Variants in CDH23 observed in about 807,000 individuals in gnomAD.
CDH23 encodes cadherin-23.
Under a neutral mutation model 317.1 loss-of-function variants are expected in CDH23, and 189 were observed. The ratio of observed to expected loss-of-function variants is 0.60; its 90% CI spans 0.53 to 0.67. CDH23 has a LOEUF of 0.67. Among genes scored for constraint, CDH23 ranks in the 30% least tolerant of loss-of-function variants. The pLI is 0.00. For synonymous variants in CDH23, 1,839 were observed against 1,876.8 expected, an observed-to-expected ratio of 0.98 and a Z score of 0.52; for missense variants, 4,401 against 4,592.4, an observed-to-expected ratio of 0.96 and a Z score of 1.20.
intron 1 of CDH23, among the ~76,000 whole-genome samples, chr10:71,420,460 A>T: frequency 1.1e-4 from 1 of 9,268 alleles, no homozygotes; most frequent in African/African-American, 5.0e-4. Context: ...TGGTGATGAT[A>T]ATGATGATGG....
chr10:71,551,818 C>A (rs1435789733), intron 6 of CDH23, among the ~76,000 whole-genome samples: 1 of 152,184 alleles, frequency 6.6e-6, no homozygotes, highest in Non-Finnish European at 1.5e-5. Context: ...GAATTGGACC[C>A]TCTGCCCTGT....
chr10:71,587,230 T>G (rs529538112), intron 9 of CDH23, among the ~76,000 whole-genome samples: 113 of 152,372 alleles, frequency 7.4e-4, no homozygotes, highest in African/African-American at 2.4e-3. Context: ...TTTTTTTTCC[T>G]GCTATTGTTT....
intron 6 of CDH23, among the ~76,000 whole-genome samples, chr10:71,523,277 C>A (rs1263606284): frequency 1.3e-5 from 2 of 152,192 alleles, no homozygotes; most frequent in Non-Finnish European, 2.9e-5. Context: ...GCGGCTAGAA[C>A]TGATTGTTTT....
chr10:71,676,525 G>A (rs919635723), intron 15 of CDH23, among the ~76,000 whole-genome samples: 1 of 152,058 alleles, frequency 6.6e-6, no homozygotes, highest in Non-Finnish European at 1.5e-5. Context: ...TACTTGGGAG[G>A]CTGAGGCAGG....
At chr10:71,574,145 G>A (rs138884148) in intron 8 of CDH23, among the ~76,000 whole-genome samples, 104 of 151,264 alleles carry the variant, frequency 6.9e-4, no homozygotes, top group Admixed American at 2.6e-3. Context: ...CTGCTGCCCC[G>A]GGGCCCCCAC....
intron 9 of CDH23, among the ~76,000 whole-genome samples, chr10:71,585,842 C>T (rs1424845247): frequency 6.6e-6 from 1 of 152,200 alleles, no homozygotes; most frequent in African/African-American, 2.4e-5. Flanking sequence ...TTAATGAGGT[C>T]CTGTATGCTC....
Position 71,469,612 on chromosome 10 carries a change from C to CTT in CDH23, c.145+23218_145+23219dup, listed in dbSNP as rs112863104. Among the ~76,000 whole-genome samples, 263 of 149,136 alleles carry CTT rather than the reference C, an allele frequency of 1.8e-3. 1 individual carries two copies. Among genetic ancestry groups the CTT allele is most frequent in the African/African-American group, 3.0e-3 (119 of 39,582 alleles). On this transcript the variant is annotated intron_variant, in intron 3 of 69. Coordinates refer to ENST00000224721, the MANE Select transcript of CDH23 (RefSeq NM_022124.6). ...CTTTCGTGAACATTTGTGTCCCCCC[C>CTT]TTGTTTTTTTTGAGACAGGGTCTTG... is the stretch of plus-strand genomic sequence containing the variant.
intron 69 of CDH23, 69 bp downstream of exon 69, chr10:71,813,417 TC>T: frequency 1.5e-6 from 2 of 1,300,942 alleles, no homozygotes; most frequent in Admixed American, 3.9e-5. Context: ...TCTCTTGCTG[TC>T]CTGCTGTCCT....
At chr10:71,700,295 G>T (rs1283896290) in intron 22 of CDH23, among the ~76,000 whole-genome samples, 1 of 152,186 alleles carries the variant, frequency 6.6e-6, no homozygotes, top group African/African-American at 2.4e-5. Context: ...GCTGAGGTGG[G>T]AGGATCACTT....
chr10:71,758,220 G>A (rs1840197865), intron 38 of CDH23, among the ~76,000 whole-genome samples: 1 of 152,194 alleles, frequency 6.6e-6, no homozygotes, highest in African/African-American at 2.4e-5. Flanking sequence ...AAGGGTAGCT[G>A]AGTAAAAAGT....
At chr10:71,488,196 T>C (rs979704041) in intron 3 of CDH23, among the ~76,000 whole-genome samples, 4 of 152,178 alleles carry the variant, frequency 2.6e-5, no homozygotes, top group Non-Finnish European at 5.9e-5. Flanking sequence ...ACAGGCAGCA[T>C]GGAGGGAAAG....
At chr10:71,789,619 G>C (rs1037583999) in intron 45 of CDH23, among the ~76,000 whole-genome samples, 12 of 152,196 alleles carry the variant, frequency 7.9e-5, no homozygotes, top group African/African-American at 2.7e-4. Context: ...ATCCCCCCTA[G>C]GTGAATTTCA....
intron 1 of CDH23, among the ~76,000 whole-genome samples, chr10:71,429,477 G>A (rs1055094742): frequency 2.6e-5 from 4 of 152,170 alleles, no homozygotes; most frequent in African/African-American, 7.2e-5. Context: ...CATGGGTGTG[G>A]ACACATCATT....
intron 38 of CDH23, among the ~76,000 whole-genome samples, chr10:71,763,620 T>TA (rs1840453994): frequency 6.6e-6 from 1 of 152,240 alleles, no homozygotes; most frequent in South Asian, 2.1e-4. Flanking sequence ...GTGAGCCACT[T>TA]AGACGCTGAG....
At chr10:71,709,960 C>T (rs113832927) in intron 27 of CDH23, among the ~76,000 whole-genome samples, 3,922 of 152,108 alleles carry the variant, frequency 0.026, 105 homozygotes, top group East Asian at 0.12. Context: ...ATGAGGAAGA[C>T]GCAAAAGTAG....
At chr10:71,593,195 A>G (rs1859615711) in intron 9 of CDH23, among the ~76,000 whole-genome samples, 1 of 152,256 alleles carries the variant, frequency 6.6e-6, no homozygotes, top group Admixed American at 6.5e-5. Flanking sequence ...GGAACTTGTT[A>G]TATGATAAAG....
rs1381655860 is a variant in CDH23 at position 71,809,831 on chromosome 10, G to A, written c.8734G>A (p.Gly2912Ser). 2.5e-6 allele frequency: 4 copies of A among 1,612,088 alleles called. No homozygotes were observed. Among genetic ancestry groups the A allele is most frequent in the African/African-American group, 1.3e-5 (1 of 74,910 alleles). The change falls in exon 61 of 70, where the codon GGC becomes AGC. Residue 2912 changes from glycine to serine, a missense_variant. Gly to Ser is a moderately conservative substitution (Grantham distance 56). Around this residue, in one of 3 missense-constraint regions of CDH23, gnomAD observed 1,144 missense variants for 1,138.2 expected, o/e 1.01. Coordinates refer to ENST00000224721, the MANE Select transcript of CDH23 (RefSeq NM_022124.6). ...GQVFTMGSMDGILRTFDLFMA... is the reference protein window; with the variant it reads ...GQVFTMGSMDSILRTFDLFMA... Reference sequence around the variant, plus strand: ...TGGGCTTCCTGCAGGGAGCATGGACGGCATTCTGCGCACCTTCGACCTCTT... The same window carrying A: ...TGGGCTTCCTGCAGGGAGCATGGACAGCATTCTGCGCACCTTCGACCTCTT...
chr10:71,811,621 G>C (rs1185836119), intron 64 of CDH23, 31 bp downstream of exon 64: 1 of 1,613,718 alleles, frequency 6.2e-7, no homozygotes, highest in Non-Finnish European at 8.5e-7. Flanking sequence ...CCATCAGGGG[G>C]CCGACCACCT....
At chr10:71,505,986 A>G (rs1853611565) in intron 3 of CDH23, among the ~76,000 whole-genome samples, 1 of 152,364 alleles carries the variant, frequency 6.6e-6, no homozygotes, top group East Asian at 1.9e-4. Context: ...CAACATAAAT[A>G]GCTGTCAACT....
Sources: gnomAD v4.1 joint callset for allele counts (sites outside exome capture counted in the v4.1 genomes callset) on GRCh38, gnomAD v4.1.1 for gene constraint, gnomAD v4.1.1 regional missense constraint, MANE v1.5 for transcripts, NCBI Gene and HGNC (gene_info 2026-07-23, HGNC 2026-07-21) for gene names.